Variants in LRIG1 observed in about 807,000 individuals in gnomAD.
LRIG1 encodes the protein leucine rich repeats and immunoglobulin like domains 1, also known as leucine-rich repeats and immunoglobulin-like domains protein 1.
LRIG1 carries 48 observed loss-of-function variants against 99.2 expected under a neutral mutation model. The ratio of observed to expected loss-of-function variants is 0.48; its 90% CI spans 0.38 to 0.62. LRIG1 has a LOEUF of 0.62. LRIG1 is among the 20% of genes least tolerant of loss of function. The probability of loss-of-function intolerance (pLI) is 0.00; values close to 1 mark genes in which losing one functional copy is unlikely to be tolerated. For missense variants in LRIG1, 1,646 were observed against 1,434.4 expected, an observed-to-expected ratio of 1.15 and a Z score of -2.38; for synonymous variants, 772 against 596.1, an observed-to-expected ratio of 1.29 and a Z score of -4.30.
chr3:66,475,315 G>T (rs969976774), intron 1 of LRIG1, among the ~76,000 whole-genome samples: 1 of 152,180 alleles, frequency 6.6e-6, no homozygotes, highest in African/African-American at 2.4e-5. Flanking sequence ...AGAATGACTT[G>T]CGTCTGCATA....
chr3:66,443,023 A>G (rs924647567), intron 3 of LRIG1, among the ~76,000 whole-genome samples: 1 of 152,138 alleles, frequency 6.6e-6, no homozygotes, highest in Non-Finnish European at 1.5e-5. Flanking sequence ...TGACTGTGTA[A>G]TTTGGCAGGC....
At chr3:66,451,714 C>A in intron 2 of LRIG1, 81 bp from the exon 3 acceptor site, 1 of 1,018,358 alleles carries the variant, frequency 9.8e-7, no homozygotes. Flanking sequence ...AATAAACAAA[C>A]GCTGCTAAGT....
rs1701063579 is a variant in LRIG1, at chr3:66,381,527, A to G, written c.2722T>C (p.Trp908Arg). The G allele has an allele frequency of 6.2e-7, 1 of 1,614,010 alleles. No individual in the cohort carries two copies. The highest frequency in any genetic ancestry group is 2.2e-5 in the East Asian group (1 of 44,864). The change falls in exon 17 of 19, where the codon TGG (tryptophan) becomes CGG (arginine). Residue 908 changes from tryptophan (W) to arginine (R), a missense_variant. By Grantham distance (101) the Trp-to-Arg change is moderately radical. Transcript: ENST00000273261. ...CAGSAYHKEP[W>R]KAMEKAEGTP... is the part of the protein sequence containing the mutation. The stretch of plus-strand genomic sequence containing the variant: ...CCTTCAGCTTTCTCCATCGCTTTCC[A>G]CGGCTCTTTGTGATACGCAGACCCA...
chr3:66,499,544 AG>A (rs1373759379), intron 1 of LRIG1, among the ~76,000 whole-genome samples: 1 of 152,200 alleles, frequency 6.6e-6, no homozygotes, highest in Admixed American at 6.5e-5. Context: ...ACAGGTCGCC[AG>A]GAACTGTCAA....
At position 66,384,194 on chromosome 3, in the gene LRIG1, G is replaced by A. The variant is rs758069902; in HGVS notation, c.1868C>T (p.Thr623Ile). Reference sequence around the variant, plus strand: ...GGCAATCTGAGGGTTTGGGTGACCTGTGGCAGCACATTCGAGGCGGGCCAT... The same window carrying A: ...GGCAATCTGAGGGTTTGGGTGACCTATGGCAGCACATTCGAGGCGGGCCAT... ...TTMARLECAA[T>I]GHPNPQIAWQ... The change falls in exon 14 of 19, where the codon ACA becomes ATA. Residue 623 changes from threonine to isoleucine, a missense_variant. Transcript: ENST00000273261. 1.3e-5 allele frequency: 21 copies of A among 1,614,070 alleles called. 1 individual carries two copies. In the South Asian group the frequency reaches 2.2e-4, roughly 17 times the overall value.
At chr3:66,380,959 A>G in intron 17 of LRIG1, 98 bp from the exon 18 acceptor site, 1 of 1,267,770 alleles carries the variant, frequency 7.9e-7, no homozygotes, top group Non-Finnish European at 1.1e-6. Flanking sequence ...GCAAGGTGAG[A>G]ACCCTGACTG....
chr3:66,381,442 C>G (rs752586985), intron 17 of LRIG1, 37 bp downstream of exon 17: 2 of 1,594,176 alleles, frequency 1.3e-6, no homozygotes, highest in South Asian at 2.2e-5. Context: ...ATTTCCATTT[C>G]AGAAAGAAAC....
intron 1 of LRIG1, among the ~76,000 whole-genome samples, chr3:66,487,632 C>A (rs1701004640): frequency 6.6e-6 from 1 of 152,102 alleles, no homozygotes; most frequent in Admixed American, 6.5e-5. Flanking sequence ...GAAGAGTTAC[C>A]TAATCAGATA....
chr3:66,458,348 T>A (rs1700276263), intron 2 of LRIG1, among the ~76,000 whole-genome samples: 2 of 152,158 alleles, frequency 1.3e-5, no homozygotes, highest in African/African-American at 4.8e-5. Flanking sequence ...GCTCAAGTGA[T>A]CCTTCTGCAC....
At chr3:66,435,027 C>T (rs965977297) in intron 3 of LRIG1, among the ~76,000 whole-genome samples, 1 of 152,056 alleles carries the variant, frequency 6.6e-6, no homozygotes. Context: ...CAGCCCCAAA[C>T]TGGAAACATT....
chr3:66,383,899 G>T, intron 14 of LRIG1, 92 bp downstream of exon 14: 1 of 1,510,298 alleles, frequency 6.6e-7, no homozygotes, highest in African/African-American at 1.4e-5. Flanking sequence ...GGCCCACAAC[G>T]CATACCACCC....
At chr3:66,425,550 AG>A (rs10717248) in intron 3 of LRIG1, among the ~76,000 whole-genome samples, 71,180 of 152,136 alleles carry the variant, frequency 0.47, 20,524 homozygotes, top group Non-Finnish European at 0.66. Context: ...TAAGCTGCAA[AG>A]GGATCCACTT....
At chr3:66,495,021 G>A (rs964626331) in intron 1 of LRIG1, among the ~76,000 whole-genome samples, 2 of 152,154 alleles carry the variant, frequency 1.3e-5, no homozygotes, top group Admixed American at 1.3e-4. Flanking sequence ...GGTCTTCAAA[G>A]TGCTCTATTT....
chr3:66,466,511 T>G (rs1700477371), intron 1 of LRIG1, among the ~76,000 whole-genome samples: 1 of 152,218 alleles, frequency 6.6e-6, no homozygotes, highest in Non-Finnish European at 1.5e-5. Flanking sequence ...AATTACTTAG[T>G]TTTTTCAAGA....
chr3:66,477,119 T>G (rs1053561326), intron 1 of LRIG1, among the ~76,000 whole-genome samples: 1 of 152,216 alleles, frequency 6.6e-6, no homozygotes, highest in Non-Finnish European at 1.5e-5. Context: ...CAGCCAGTAT[T>G]TCCTCACACA....
intron 1 of LRIG1, among the ~76,000 whole-genome samples, chr3:66,476,600 G>A (rs1414202474): frequency 1.3e-5 from 2 of 152,164 alleles, no homozygotes; most frequent in Non-Finnish European, 2.9e-5. Flanking sequence ...AGTCAAATCT[G>A]CTGGCCTCTT....
chr3:66,414,503 C>T (rs1459385585), intron 5 of LRIG1, among the ~76,000 whole-genome samples: 3 of 152,190 alleles, frequency 2.0e-5, no homozygotes, highest in Non-Finnish European at 2.9e-5. Context: ...ACTCCAGCTA[C>T]ACTAACTTCC....
At chr3:66,406,240 C>CCT (rs1298252948) in intron 8 of LRIG1, 1 of 985,348 alleles carries the variant, frequency 1.0e-6, no homozygotes, top group African/African-American at 1.7e-5. Context: ...GAAGGGACTT[C>CCT]TCCTCTCAAT....
In LRIG1 at chr3:66,399,230, T is replaced by A. The variant is rs143295110; in HGVS notation, c.1161-189A>T. On this transcript the variant is annotated intron_variant, in intron 9 of 18. Transcript: ENST00000273261. ...GGTTTGAGGCACGCAGGCCTTCCCC[T>A]TTCTGAAATGAAATACTTTTATCTT... 2.1e-3 allele frequency among the ~76,000 whole-genome samples: 323 copies of A among 152,364 alleles called. 2 individuals carry two copies. The highest frequency in any genetic ancestry group is 7.5e-3 in the African/African-American group (311 of 41,582).
Sources: allele counts gnomAD v4.1 joint callset (sites outside exome capture counted in the v4.1 genomes callset), GRCh38; gene constraint gnomAD v4.1.1; transcripts MANE v1.5; gene names NCBI Gene and HGNC (gene_info 2026-07-23, HGNC 2026-07-21).